Variants in BASP1 observed in about 807,000 individuals in gnomAD.
BASP1 encodes brain acid soluble protein 1.
Under a neutral mutation model 2.2 loss-of-function variants are expected in BASP1, and 1 was observed. That is an observed-to-expected ratio of 0.46 (90% CI 0.16 to 2.17). BASP1 has a LOEUF of 2.17. Ranked by LOEUF, BASP1 falls within the 30% of genes most tolerant of loss-of-function variation. The pLI is 0.27. For synonymous variants in BASP1, 187 were observed against 154.2 expected, an observed-to-expected ratio of 1.21 and a Z score of -1.58; for missense variants, 352 against 327.2, an observed-to-expected ratio of 1.08 and a Z score of -0.58.
chr5:17,234,225 T>A (rs1739694372), intron 1 of BASP1, among the ~76,000 whole-genome samples: 1 of 152,226 alleles, frequency 6.6e-6, no homozygotes, highest in Non-Finnish European at 1.5e-5. Context: ...GTCTACCATT[T>A]CTCGACTTCA....
intron 1 of BASP1, among the ~76,000 whole-genome samples, chr5:17,273,714 C>T (rs537888316): frequency 1.3e-5 from 2 of 152,134 alleles, no homozygotes; most frequent in Non-Finnish European, 2.9e-5. Flanking sequence ...GCAAAGCTGG[C>T]AAAGGAGTGT....
chr5:17,217,268 G>A (rs62348037), upstream of BASP1, among the ~76,000 whole-genome samples: 493 of 80,648 alleles, frequency 6.1e-3, 2 homozygotes, highest in Non-Finnish European at 9.1e-3. Context: ...GGGGAAGGGA[G>A]GAACCAGGAT....
intron 1 of BASP1, among the ~76,000 whole-genome samples, chr5:17,227,087 C>A (rs1404701282): frequency 6.6e-6 from 1 of 150,754 alleles, no homozygotes; most frequent in South Asian, 2.1e-4. Context: ...CGCCACCATG[C>A]CCAGCTAATT....
intron 1 of BASP1, among the ~76,000 whole-genome samples, chr5:17,237,446 A>G (rs1739770993): frequency 6.6e-6 from 1 of 152,204 alleles, no homozygotes; most frequent in Admixed American, 6.5e-5. Context: ...TTCTGGATTA[A>G]AGCACAGACT....
chr5:17,240,074 A>G (rs191715448), intron 1 of BASP1, among the ~76,000 whole-genome samples: 2 of 151,970 alleles, frequency 1.3e-5, no homozygotes, highest in African/African-American at 2.4e-5. Flanking sequence ...TGATTATTCC[A>G]CCTTCACTAA....
At chr5:17,247,219 C>A (rs140237766) in intron 1 of BASP1, among the ~76,000 whole-genome samples, 64 of 152,208 alleles carry the variant, frequency 4.2e-4, no homozygotes, top group African/African-American at 1.5e-3. Flanking sequence ...TAGATAAATG[C>A]CATTTGGATT....
intron 1 of BASP1, among the ~76,000 whole-genome samples, chr5:17,267,682 C>T (rs1052852334): frequency 6.6e-6 from 1 of 151,824 alleles, no homozygotes; most frequent in Admixed American, 6.6e-5. Flanking sequence ...CTGCACCTGG[C>T]TAATTTTTGT....
chr5:17,239,149 A>G (rs1284200960), intron 1 of BASP1, among the ~76,000 whole-genome samples: 9 of 151,746 alleles, frequency 5.9e-5, no homozygotes, highest in Admixed American at 5.9e-4. Flanking sequence ...GCTGGAGTGC[A>G]GTGGCATGAT....
At chr5:17,235,813 T>G (rs1288473796) in intron 1 of BASP1, among the ~76,000 whole-genome samples, 2 of 152,330 alleles carry the variant, frequency 1.3e-5, no homozygotes, top group Middle Eastern at 3.4e-3. Context: ...AACCACCATC[T>G]GAAATTGATG....
chr5:17,243,957 T>C (rs1247720929), intron 1 of BASP1, among the ~76,000 whole-genome samples: 1 of 152,218 alleles, frequency 6.6e-6, no homozygotes, highest in Admixed American at 6.5e-5. Context: ...GGGTACTATG[T>C]GAAATTGGAT....
At chr5:17,237,125 C>T (rs1275804536) in intron 1 of BASP1, among the ~76,000 whole-genome samples, 1 of 152,054 alleles carries the variant, frequency 6.6e-6, no homozygotes, top group Non-Finnish European at 1.5e-5. Flanking sequence ...GTGGGCGGAT[C>T]ACGAGGTTAG....
At chr5:17,237,953 G>C (rs552796958) in intron 1 of BASP1, among the ~76,000 whole-genome samples, 5 of 152,100 alleles carry the variant, frequency 3.3e-5, no homozygotes, top group Non-Finnish European at 7.4e-5. Flanking sequence ...GTAGTTCTCA[G>C]TGTTCGCCAA....
At chr5:17,269,572 AT>A (rs918831516) in intron 1 of BASP1, among the ~76,000 whole-genome samples, 1 of 152,168 alleles carries the variant, frequency 6.6e-6, no homozygotes, top group African/African-American at 2.4e-5. Flanking sequence ...ACTTTATCAC[AT>A]TTCTTCCAGA....
Position 17,275,498 on chromosome 5 carries a change from A to G in BASP1, c.282A>G (p.Ala94=). The change falls in exon 2 of 2, where the codon GCA becomes GCG. Residue 94 remains alanine, a synonymous_variant. Transcript: ENST00000322611. The surrounding 1 kb of genome is among the most constrained non-coding windows in gnomAD (Gnocchi z 5.3). The part of the protein sequence containing the change: ...KAEPEKTEGA[A]EAKAEPPKAP... ...AGCCCGAGAAGACGGAGGGCGCGGC[A>G]GAGGCCAAGGCTGAGCCCCCGAAGG... is the stretch of plus-strand genomic sequence containing the variant. 1.4e-6 allele frequency: 2 copies of G among 1,477,718 alleles called. No individual in the cohort carries two copies. The highest frequency in any genetic ancestry group is 1.8e-6 in the Non-Finnish European group (2 of 1,117,558). 91.5% of individuals were successfully genotyped at this position (1,477,718 alleles called of 1,614,324 possible).
rs576929745 is a variant in BASP1 at position 17,223,918 on chromosome 5, G to A, written c.-10+6108G>A. On this transcript the variant is annotated intron_variant, in intron 1 of 1. Coordinates refer to ENST00000322611, the MANE Select transcript of BASP1 (RefSeq NM_006317.5). ...CCTCCACCCTGCCCCTGCCAAACAG[G>A]CATCAGATGCCCACCGCCTCCATAC... is the stretch of plus-strand genomic sequence containing the variant. Among the ~76,000 whole-genome samples, 10 of 152,250 alleles carry A rather than the reference G, an allele frequency of 6.6e-5. No homozygotes were observed. The South Asian group carries it at 2.1e-3, about 32-fold the overall frequency.
rs1014092404 is a variant in BASP1, at chr5:17,275,973, C to A, written c.*73C>A. On this transcript the variant is annotated 3_prime_UTR_variant, in exon 2 of 2. Transcript: ENST00000322611. The surrounding 1 kb of genome is among the most constrained non-coding windows in gnomAD (Gnocchi z 5.3). Reference sequence around the variant, plus strand: ...TCTCTCTCTCTCTCTCTCTCTCTATCTCTCTCTCTATCTCCTCTCTCTCTC... The same window carrying A: ...TCTCTCTCTCTCTCTCTCTCTCTATATCTCTCTCTATCTCCTCTCTCTCTC... 5.0e-6 allele frequency: 6 copies of A among 1,196,124 alleles called. No individual in the cohort carries two copies. Among genetic ancestry groups the A allele is most frequent in the East Asian group, 2.8e-5 (1 of 36,094 alleles). The allele number at this position is 1,196,124 out of a possible 1,614,324, so 74.1% of individuals were successfully genotyped here.
At chr5:17,262,084 A>G (rs775369151) in intron 1 of BASP1, among the ~76,000 whole-genome samples, 1 of 152,154 alleles carries the variant, frequency 6.6e-6, no homozygotes, top group Non-Finnish European at 1.5e-5. Context: ...TTGAGACATC[A>G]TCTTTTCCTT....
At chr5:17,274,909 G>T (rs1378310895) in intron 1 of BASP1, among the ~76,000 whole-genome samples, 1 of 152,026 alleles carries the variant, frequency 6.6e-6, no homozygotes, top group African/African-American at 2.4e-5. Context: ...TACACCTGTG[G>T]GCCCAGCTGT....
Position 17,251,421 on chromosome 5 carries a change from T to C in BASP1, c.-9-23787T>C, listed in dbSNP as rs1740099694. Among the ~76,000 whole-genome samples, 1 of 152,250 alleles carries C rather than the reference T, an allele frequency of 6.6e-6. No individual in the cohort carries two copies. On this transcript the variant is annotated intron_variant, in intron 1 of 1. Transcript: ENST00000322611. This position sits in a 1 kb window ranked among gnomAD's most constrained non-coding sequence, Gnocchi z 4.0. Reference sequence around the variant, plus strand: ...ACCCCTAAAATATATAAAATGATTTTACATCAATACAAAACCATTAAATAT... The same window carrying C: ...ACCCCTAAAATATATAAAATGATTTCACATCAATACAAAACCATTAAATAT...
Sources: allele counts gnomAD v4.1 joint callset (sites outside exome capture counted in the v4.1 genomes callset), GRCh38; gene constraint gnomAD v4.1.1; non-coding constraint Gnocchi (gnomAD v3.1); transcripts MANE v1.5; gene names NCBI Gene and HGNC (gene_info 2026-07-23, HGNC 2026-07-21).